MTMR7: variants seen among roughly 807,000 people sequenced by gnomAD.
MTMR7 encodes phosphatidylinositol-3-phosphate phosphatase MTMR7.
MTMR7 carries 76 observed loss-of-function variants against 81.2 expected under a neutral mutation model. That is an observed-to-expected ratio of 0.94 (90% CI 0.78 to 1.13). MTMR7 has a LOEUF of 1.13. MTMR7 is among the 50% of genes most tolerant of loss of function. The pLI, the probability that MTMR7 is intolerant of heterozygous loss-of-function variation, is 0.00. For missense variants in MTMR7, 1,044 were observed against 820.0 expected, an observed-to-expected ratio of 1.27 and a Z score of -3.34; for synonymous variants, 372 against 289.8, an observed-to-expected ratio of 1.28 and a Z score of -2.88.
Position 17,331,289 on chromosome 8 carries a change from T to C in MTMR7, c.733-7A>G. 6.3e-7 allele frequency: 1 copy of C among 1,585,272 alleles called. No individual in the cohort carries two copies. The highest frequency in any genetic ancestry group is 1.2e-5 in the South Asian group (1 of 86,192). ...GATTTGCCATTGCATTAAGCTGCAG[T>C]GGTCAGCAAAACAGAACAGTCATCA... On this transcript the variant is annotated splice_polypyrimidine_tract_variant and splice_region_variant and intron_variant, in intron 6 of 13. Coordinates refer to ENST00000180173, the MANE Select transcript of MTMR7 (RefSeq NM_004686.5).
chr8:17,323,388 T>A (rs1477409919), intron 7 of MTMR7, among the ~76,000 whole-genome samples: 1 of 152,038 alleles, frequency 6.6e-6, no homozygotes, highest in African/African-American at 2.4e-5. Context: ...TAAAAGTCAA[T>A]ATACAAACGG....
intron 4 of MTMR7, among the ~76,000 whole-genome samples, chr8:17,351,046 G>C (rs559752179): frequency 6.6e-6 from 1 of 152,296 alleles, no homozygotes; most frequent in Non-Finnish European, 1.5e-5. Context: ...CATGAAGTCA[G>C]CCAGCTAGAA....
At chr8:17,397,888 G>T (rs927854604) in intron 1 of MTMR7, among the ~76,000 whole-genome samples, 1 of 152,168 alleles carries the variant, frequency 6.6e-6, no homozygotes, top group Non-Finnish European at 1.5e-5. Context: ...GAATACATTT[G>T]TTTGGGAGAA....
At chr8:17,361,826 C>T (rs906991884) in intron 3 of MTMR7, among the ~76,000 whole-genome samples, 3 of 152,164 alleles carry the variant, frequency 2.0e-5, no homozygotes, top group African/African-American at 4.8e-5. Flanking sequence ...ACATAAATAT[C>T]GTAATTGTGC....
chr8:17,324,072 G>A (rs1056376297), intron 7 of MTMR7, among the ~76,000 whole-genome samples: 4 of 152,132 alleles, frequency 2.6e-5, no homozygotes, highest in African/African-American at 7.2e-5. Context: ...TTGACATCCA[G>A]TTAAAACATT....
At chr8:17,346,288 G>A (rs771066879) in intron 5 of MTMR7, 3 of 152,174 alleles carry the variant, frequency 2.0e-5, no homozygotes, top group Non-Finnish European at 2.9e-5. Flanking sequence ...AGAGTGGGCG[G>A]GCAGGTGTGT....
intron 7 of MTMR7, among the ~76,000 whole-genome samples, chr8:17,329,616 G>A (rs1818887962): frequency 6.6e-6 from 1 of 152,132 alleles, no homozygotes; most frequent in Non-Finnish European, 1.5e-5. Flanking sequence ...TGTTCTCCAG[G>A]TCATCTTATG....
intron 7 of MTMR7, among the ~76,000 whole-genome samples, chr8:17,323,987 G>T (rs1277689796): frequency 6.6e-6 from 1 of 152,146 alleles, no homozygotes; most frequent in African/African-American, 2.4e-5. Context: ...ATCGCTGAGA[G>T]AAATATAACT....
chr8:17,369,994 C>A (rs749150592), intron 3 of MTMR7, among the ~76,000 whole-genome samples: 1 of 152,058 alleles, frequency 6.6e-6, no homozygotes, highest in East Asian at 1.9e-4. Flanking sequence ...ACAAGCCACA[C>A]AGAGAGGCAA....
chr8:17,403,575 A>T (rs1164634535), intron 1 of MTMR7, among the ~76,000 whole-genome samples: 1 of 152,100 alleles, frequency 6.6e-6, no homozygotes, highest in South Asian at 2.1e-4. Flanking sequence ...TTGTTACTCT[A>T]TGTAACTTTT....
At chr8:17,407,018 G>C (rs539585909) in intron 1 of MTMR7, among the ~76,000 whole-genome samples, 1 of 152,050 alleles carries the variant, frequency 6.6e-6, no homozygotes, top group Non-Finnish European at 1.5e-5. Flanking sequence ...TAATGAAAAT[G>C]TTCTGAAATT....
chr8:17,342,128 G>A (rs1819424738), intron 5 of MTMR7, among the ~76,000 whole-genome samples: 1 of 152,114 alleles, frequency 6.6e-6, no homozygotes, highest in Admixed American at 6.5e-5. Flanking sequence ...TCTGCCCCAA[G>A]TCCCGTACCC....
At chr8:17,383,678 G>C (rs1160525063) in intron 1 of MTMR7, among the ~76,000 whole-genome samples, 1 of 152,150 alleles carries the variant, frequency 6.6e-6, no homozygotes, top group African/African-American at 2.4e-5. Flanking sequence ...TCTAGCTACA[G>C]CTAAAAGATT....
At chr8:17,304,298 T>TA in intron 12 of MTMR7, 81 bp downstream of exon 12, 2 of 1,495,130 alleles carry the variant, frequency 1.3e-6, no homozygotes, top group Non-Finnish European at 1.8e-6. Context: ...ATCAGTGTCA[T>TA]ACACTTTGAC....
At chr8:17,311,662 G>C (rs374121104) in intron 8 of MTMR7, 26 bp from the exon 9 acceptor site, 12 of 1,613,670 alleles carry the variant, frequency 7.4e-6, no homozygotes, top group Admixed American at 1.7e-5. Flanking sequence ...TCCGCAAAGA[G>C]TCACAAAGAA....
intron 1 of MTMR7, among the ~76,000 whole-genome samples, chr8:17,398,702 T>G (rs1256715860): frequency 1.3e-5 from 2 of 152,026 alleles, no homozygotes; most frequent in African/African-American, 4.8e-5. Flanking sequence ...TACTCTTAAG[T>G]AGAAAGATTA....
chr8:17,387,949 G>A lies in MTMR7; in HGVS notation c.25-14709C>T, dbSNP rs145438112. The stretch of plus-strand genomic sequence containing the variant: ...TGTTAAAACAGCAGATTTGACTGAC[G>A]TTTAAGGAAATTTTAAAAATTCTCC... On this transcript the variant is annotated intron_variant, in intron 1 of 13. Coordinates refer to ENST00000180173, the MANE Select transcript of MTMR7 (RefSeq NM_004686.5). 4.1e-3 allele frequency among the ~76,000 whole-genome samples: 627 copies of A among 152,240 alleles called. 5 individuals are homozygous for A. The highest frequency in any genetic ancestry group is 0.015 in the African/African-American group (609 of 41,542).
intron 4 of MTMR7, among the ~76,000 whole-genome samples, chr8:17,353,270 T>A (rs761995133): frequency 4.6e-5 from 7 of 152,162 alleles, no homozygotes; most frequent in African/African-American, 7.2e-5. Context: ...AGAATGATGG[T>A]TGCCAGGGGC....
chr8:17,307,328 A>G (rs1817518205), intron 10 of MTMR7, among the ~76,000 whole-genome samples: 1 of 152,236 alleles, frequency 6.6e-6, no homozygotes, highest in African/African-American at 2.4e-5. Flanking sequence ...AATCAAAACC[A>G]CAATGATACA....
Sources: allele counts gnomAD v4.1 joint callset (sites outside exome capture counted in the v4.1 genomes callset), GRCh38; gene constraint gnomAD v4.1.1; transcripts MANE v1.5; gene names NCBI Gene and HGNC (gene_info 2026-07-23, HGNC 2026-07-21).